PLCL1: variants seen among roughly 807,000 people sequenced by gnomAD.
PLCL1 encodes inactive phospholipase C-like protein 1.
In PLCL1, 41 loss-of-function variants were observed where a neutral mutation model predicts 84.4. The ratio of observed to expected loss-of-function variants is 0.49; its 90% CI spans 0.38 to 0.63. PLCL1 has a LOEUF of 0.63. Among genes scored for constraint, PLCL1 ranks in the 30% least tolerant of loss-of-function variants. The probability of loss-of-function intolerance (pLI) is 0.00; values close to 1 mark genes in which losing one functional copy is unlikely to be tolerated. For synonymous variants in PLCL1, 490 were observed against 488.3 expected (o/e 1.00, Z -0.05); for missense variants, 1,206 against 1,367.8 (o/e 0.88, Z 1.87).
intron 1 of PLCL1, among the ~76,000 whole-genome samples, chr2:197,926,899 T>C (rs535319231): frequency 5.3e-5 from 8 of 152,304 alleles, no homozygotes; most frequent in Non-Finnish European, 7.4e-5. Flanking sequence ...GAAGGCTTGA[T>C]TGGGCTGGAT....
chr2:197,992,738 A>T (rs944085079), intron 1 of PLCL1, among the ~76,000 whole-genome samples: 16 of 151,976 alleles, frequency 1.1e-4, no homozygotes, highest in African/African-American at 3.9e-4. Flanking sequence ...GGCAACCACC[A>T]TTCTCCTTTC....
intron 1 of PLCL1, among the ~76,000 whole-genome samples, chr2:197,878,865 G>T (rs1422785958): frequency 2.6e-5 from 4 of 152,194 alleles, no homozygotes; most frequent in African/African-American, 9.6e-5. Context: ...CAAACTGGCA[G>T]CCAGCTGGCT....
chr2:197,852,881 A>G (rs1687265539), intron 1 of PLCL1, among the ~76,000 whole-genome samples: 1 of 152,142 alleles, frequency 6.6e-6, no homozygotes, highest in African/African-American at 2.4e-5. Context: ...TGGTAAATAT[A>G]TTTAACATAA....
chr2:198,074,579 CA>C (rs1362363572), intron 1 of PLCL1, among the ~76,000 whole-genome samples: 2 of 152,156 alleles, frequency 1.3e-5, no homozygotes, highest in Admixed American at 6.6e-5. Flanking sequence ...GCGGAGCTTG[CA>C]GTGAGCCGAG....
chr2:198,011,055 T>C (rs1181331953), intron 1 of PLCL1, among the ~76,000 whole-genome samples: 1 of 151,864 alleles, frequency 6.6e-6, no homozygotes, highest in Admixed American at 6.6e-5. Context: ...ATTTTGTTGT[T>C]TTTTTGGGAA....
chr2:197,823,294 A>T (rs1690853844), intron 1 of PLCL1, among the ~76,000 whole-genome samples: 1 of 152,136 alleles, frequency 6.6e-6, no homozygotes, highest in African/African-American at 2.4e-5. Flanking sequence ...AAGAGGTGGT[A>T]TAGCACTACC....
intron 1 of PLCL1, among the ~76,000 whole-genome samples, chr2:197,839,088 A>G (rs1691246893): frequency 6.6e-6 from 1 of 152,216 alleles, no homozygotes; most frequent in South Asian, 2.1e-4. Context: ...TTAATACCAC[A>G]TTATTTCTTC....
At chr2:198,094,570 T>C (rs1349756907) in intron 3 of PLCL1, among the ~76,000 whole-genome samples, 1 of 152,308 alleles carries the variant, frequency 6.6e-6, no homozygotes, top group South Asian at 2.1e-4. Context: ...ACTTGAAATT[T>C]CAAAATTACA....
intron 1 of PLCL1, among the ~76,000 whole-genome samples, chr2:197,913,717 AG>A: frequency 2.0e-5 from 3 of 152,336 alleles, no homozygotes; most frequent in Middle Eastern, 6.8e-3. Flanking sequence ...TACTCAAGGC[AG>A]TAAGAATACT....
intron 1 of PLCL1, among the ~76,000 whole-genome samples, chr2:197,921,652 C>T (rs1688700405): frequency 6.6e-6 from 1 of 152,208 alleles, no homozygotes. Flanking sequence ...GACTTAATTT[C>T]TATGCACACT....
rs1343769685 is a variant in PLCL1, at chr2:197,805,918, C to A, written c.240+579C>A. ...AAAGCACAACCGGAAAGCAATCAAT[C>A]CCCCAAGCATTATCACTGGTCCTTG... On this transcript the variant is annotated intron_variant, in intron 1 of 5. Transcript: ENST00000428675. This position sits in a 1 kb window ranked among gnomAD's most constrained non-coding sequence, Gnocchi z 4.0. 6.6e-6 allele frequency among the ~76,000 whole-genome samples: 1 copy of A among 152,178 alleles called. No homozygotes were observed. The highest frequency in any genetic ancestry group is 1.5e-5 in the Non-Finnish European group (1 of 68,034).
At chr2:197,863,522 G>A (rs925836637) in intron 1 of PLCL1, among the ~76,000 whole-genome samples, 17 of 152,026 alleles carry the variant, frequency 1.1e-4, no homozygotes, top group Admixed American at 6.6e-4. Flanking sequence ...AATCAGAATG[G>A]ATATTCTGAT....
intron 1 of PLCL1, among the ~76,000 whole-genome samples, chr2:198,036,288 G>A (rs926821021): frequency 8.5e-5 from 13 of 152,128 alleles, no homozygotes; most frequent in African/African-American, 3.1e-4. Context: ...CACAAAATAT[G>A]CTGCTTTTCC....
At chr2:197,860,669 A>C (rs965252169) in intron 1 of PLCL1, among the ~76,000 whole-genome samples, 1 of 152,132 alleles carries the variant, frequency 6.6e-6, no homozygotes, top group Non-Finnish European at 1.5e-5. Flanking sequence ...GACGGCATGC[A>C]TGCCTCTTTT....
chr2:197,805,412 C>T lies in PLCL1; in HGVS notation c.240+73C>T. On this transcript the variant is annotated intron_variant, in intron 1 of 5. Transcript: ENST00000428675. This position sits in a 1 kb window ranked among gnomAD's most constrained non-coding sequence, Gnocchi z 4.0. Reference sequence around the variant, plus strand: ...GGGTCAGGGACCCGGGCAGGATGTGCGGTGTCCGGAGGCATCCGGGCTCAG... The same window carrying T: ...GGGTCAGGGACCCGGGCAGGATGTGTGGTGTCCGGAGGCATCCGGGCTCAG... 1.6e-6 allele frequency: 2 copies of T among 1,267,186 alleles called. No homozygotes were observed. The highest frequency in any genetic ancestry group is 2.0e-6 in the Non-Finnish European group (2 of 1,003,228). The allele number at this position is 1,267,186 out of a possible 1,614,324, so 78.5% of individuals were successfully genotyped here.
At chr2:197,979,165 T>A (rs1157770342) in intron 1 of PLCL1, among the ~76,000 whole-genome samples, 1 of 152,210 alleles carries the variant, frequency 6.6e-6, no homozygotes, top group Admixed American at 6.5e-5. Flanking sequence ...TGTTATGGAC[T>A]TAGAGGACAT....
chr2:197,890,701 T>TATATATATATATATACAC (rs11270566), intron 1 of PLCL1, among the ~76,000 whole-genome samples: 87 of 118,552 alleles, frequency 7.3e-4, no homozygotes, highest in Middle Eastern at 5.2e-3. Flanking sequence ...TATATATATA[T>TATATATATATATATACAC]ACACACACAC....
At chr2:197,857,113 C>T (rs1687343584) in intron 1 of PLCL1, among the ~76,000 whole-genome samples, 1 of 151,818 alleles carries the variant, frequency 6.6e-6, no homozygotes, top group Admixed American at 6.6e-5. Flanking sequence ...CCTGCACATC[C>T]TGCACATGTA....
chr2:197,914,196 G>A (rs547489689), intron 1 of PLCL1, among the ~76,000 whole-genome samples: 1 of 152,216 alleles, frequency 6.6e-6, no homozygotes, highest in East Asian at 1.9e-4. Flanking sequence ...TTACACATTC[G>A]TAATGTTGGA....
Sources: allele counts gnomAD v4.1 joint callset (sites outside exome capture counted in the v4.1 genomes callset), GRCh38; gene constraint gnomAD v4.1.1; non-coding constraint Gnocchi (gnomAD v3.1); transcripts MANE v1.5; gene names NCBI Gene and HGNC (gene_info 2026-07-23, HGNC 2026-07-21).